The following NALF1 variants were observed in gnomAD, a reference collection of about 807,000 sequenced individuals.
NALF1 encodes family with sequence similarity 155 member A.
NALF1 carries 3 observed loss-of-function variants against 48.4 expected under a neutral mutation model. The ratio of observed to expected loss-of-function variants is 0.06; its 90% CI spans 0.03 to 0.16. The LOEUF (loss-of-function observed/expected upper bound fraction) is 0.16. NALF1 is among the 10% of genes least tolerant of loss of function. NALF1 has a pLI of 1.00. For missense variants in NALF1, 526 were observed against 571.5 expected (o/e 0.92, Z 0.81); for synonymous variants, 262 against 245.7 (o/e 1.07, Z -0.62).
intron 1 of NALF1, among the ~76,000 whole-genome samples, chr13:107,618,429 CA>C (rs1299655892): frequency 6.6e-6 from 1 of 152,084 alleles, no homozygotes; most frequent in African/African-American, 2.4e-5. Context: ...AGTGTAAAGG[CA>C]AGACCCTTGA....
At chr13:107,803,322 T>C (rs982322656) in intron 1 of NALF1, among the ~76,000 whole-genome samples, 8 of 152,172 alleles carry the variant, frequency 5.3e-5, no homozygotes, top group Non-Finnish European at 1.0e-4. Flanking sequence ...ATATTAAATA[T>C]AACGTGGTCA....
rs969260723 is a variant in NALF1, at chr13:107,164,461, G to A, written c.*6036C>T. 2 of 151,592 alleles carry A rather than the reference G, an allele frequency of 1.3e-5. No homozygotes were observed. The allele number at this position is 151,592 out of a possible 1,614,324, so 9.4% of individuals were successfully genotyped here. On this transcript the variant is annotated 3_prime_UTR_variant, in exon 3 of 3. Coordinates refer to ENST00000375915, the MANE Select transcript of NALF1 (RefSeq NM_001080396.3). ...CATTTTCATGTTTAAAATTACTATA[G>A]TTTTTTTAAGGAATTCAGAGGCATC... is the stretch of plus-strand genomic sequence containing the variant.
chr13:107,828,907 C>T (rs1334042941), intron 1 of NALF1, among the ~76,000 whole-genome samples: 8 of 152,110 alleles, frequency 5.3e-5, no homozygotes, highest in Non-Finnish European at 2.9e-5. Flanking sequence ...TTTGGTTATA[C>T]ATGAATCATT....
chr13:107,218,448 G>T lies in NALF1; in HGVS notation c.916-7693C>A, dbSNP rs535783303. Among the ~76,000 whole-genome samples the T allele has an allele frequency of 1.8e-4, 28 of 152,218 alleles. 1 individual carries two copies. The East Asian group carries it at 5.0e-3, about 27-fold the overall frequency. On this transcript the variant is annotated intron_variant, in intron 1 of 2. Coordinates refer to ENST00000375915, the MANE Select transcript of NALF1 (RefSeq NM_001080396.3). ...AACATGGCCTTTGGGCTTGCATAAT[G>T]ATGCCCCGCGATTGGTTAGCGTGAG...
chr13:107,738,285 C>G (rs2138541837), intron 1 of NALF1, among the ~76,000 whole-genome samples: 1 of 152,284 alleles, frequency 6.6e-6, no homozygotes, highest in East Asian at 1.9e-4. Context: ...TGATTCATGC[C>G]TATGAGAAGT....
intron 2 of NALF1, among the ~76,000 whole-genome samples, chr13:107,182,554 G>A (rs1005000337): frequency 1.3e-5 from 2 of 152,102 alleles, no homozygotes; most frequent in African/African-American, 2.4e-5. Flanking sequence ...ACAGGTGTAA[G>A]TCACCACACT....
At chr13:107,575,109 G>GA (rs1878100018) in intron 1 of NALF1, among the ~76,000 whole-genome samples, 1 of 152,054 alleles carries the variant, frequency 6.6e-6, no homozygotes, top group Non-Finnish European at 1.5e-5. Flanking sequence ...GGCCCACCGT[G>GA]AAATTCCATT....
chr13:107,609,321 G>A (rs1879160240), intron 1 of NALF1, among the ~76,000 whole-genome samples: 1 of 152,088 alleles, frequency 6.6e-6, no homozygotes, highest in Non-Finnish European at 1.5e-5. Flanking sequence ...TTGCAACCTG[G>A]AACAAGACCA....
chr13:107,510,931 C>T (rs1875868007), intron 1 of NALF1, among the ~76,000 whole-genome samples: 1 of 152,120 alleles, frequency 6.6e-6, no homozygotes, highest in Admixed American at 6.5e-5. Flanking sequence ...TAAGATTCTC[C>T]AGTTATAGAA....
intron 1 of NALF1, among the ~76,000 whole-genome samples, chr13:107,253,173 CTTTT>C (rs3072801): frequency 7.8e-4 from 115 of 146,514 alleles, no homozygotes; most frequent in African/African-American, 1.6e-3. Flanking sequence ...GGACTTCTTT[CTTTT>C]TTTTTTTTTT....
intron 1 of NALF1, among the ~76,000 whole-genome samples, chr13:107,369,800 AT>A (rs908838321): frequency 6.6e-6 from 1 of 152,202 alleles, no homozygotes; most frequent in African/African-American, 2.4e-5. Context: ...TAATATAATG[AT>A]AGTTGGTAAG....
chr13:107,285,929 C>A (rs1032678582), intron 1 of NALF1, among the ~76,000 whole-genome samples: 1 of 151,908 alleles, frequency 6.6e-6, no homozygotes. Context: ...TCAAATGGAC[C>A]AATATATGCA....
intron 1 of NALF1, among the ~76,000 whole-genome samples, chr13:107,681,585 C>T (rs947874305): frequency 6.6e-6 from 1 of 152,132 alleles, no homozygotes; most frequent in Non-Finnish European, 1.5e-5. Context: ...GCAAGACTGT[C>T]CCTGAGGTGA....
intron 1 of NALF1, among the ~76,000 whole-genome samples, chr13:107,582,422 A>G (rs1214643876): frequency 6.6e-6 from 1 of 152,230 alleles, no homozygotes; most frequent in African/African-American, 2.4e-5. Flanking sequence ...TCACAGGCAG[A>G]TAACACTTGC....
chr13:107,863,080 G>A (rs1880620334), intron 1 of NALF1, among the ~76,000 whole-genome samples: 1 of 151,322 alleles, frequency 6.6e-6, no homozygotes, highest in Admixed American at 6.6e-5. Flanking sequence ...ACCAATTACA[G>A]AAATATAATA....
intron 1 of NALF1, among the ~76,000 whole-genome samples, chr13:107,767,045 G>C (rs1364496351): frequency 6.6e-6 from 1 of 151,998 alleles, no homozygotes; most frequent in Non-Finnish European, 1.5e-5. Context: ...GAGTCAGAGA[G>C]AAAAACCTAA....
At chr13:107,204,665 C>T (rs1313817249) in intron 2 of NALF1, among the ~76,000 whole-genome samples, 3 of 152,182 alleles carry the variant, frequency 2.0e-5, no homozygotes, top group Non-Finnish European at 4.4e-5. Flanking sequence ...GAAGATGTCA[C>T]GAACATATGA....
intron 1 of NALF1, among the ~76,000 whole-genome samples, chr13:107,735,638 T>C (rs540888844): frequency 6.6e-6 from 1 of 152,348 alleles, no homozygotes; most frequent in South Asian, 2.1e-4. Context: ...TAAGGAGTCA[T>C]GATCAGAAAA....
chr13:107,758,519 A>C (rs889204160), intron 1 of NALF1, among the ~76,000 whole-genome samples: 6 of 152,164 alleles, frequency 3.9e-5, no homozygotes, highest in Non-Finnish European at 8.8e-5. Flanking sequence ...CAGGAGATAG[A>C]GACCATCCTG....
Sources: allele counts gnomAD v4.1 joint callset (sites outside exome capture counted in the v4.1 genomes callset), GRCh38; gene constraint gnomAD v4.1.1; transcripts MANE v1.5; gene names NCBI Gene and HGNC (gene_info 2026-07-23, HGNC 2026-07-21).